The following BPIFB3 variants were observed in gnomAD, a reference collection of about 807,000 sequenced individuals.
The protein encoded by BPIFB3 is BPI fold containing family B member 3.
In BPIFB3, 49 loss-of-function variants were observed where a neutral mutation model predicts 53.1. The ratio of observed to expected loss-of-function variants is 0.92; its 90% CI spans 0.73 to 1.17. The LOEUF is 1.17. Ranked by LOEUF, BPIFB3 falls within the 50% of genes most tolerant of loss-of-function variation. The pLI is 0.00. For missense variants in BPIFB3, 628 were observed against 592.5 expected (o/e 1.06, Z -0.62); for synonymous variants, 271 against 269.6 (o/e 1.01, Z -0.05).
intron 3 of BPIFB3, 44 bp downstream of exon 4, chr20:33,059,526 A>G: frequency 1.4e-6 from 2 of 1,399,338 alleles, no homozygotes; most frequent in Non-Finnish European, 9.9e-7. Flanking sequence ...TTCCTATCCC[A>G]CCCCCTGACC....
Position 33,059,873 on chromosome 20 carries a change from C to G in BPIFB3, c.387-18C>G, listed in dbSNP as rs1306745535. ...GGAGCTGGCTGCCTGGCCACACCCC[C>G]AGTGTCCTTTCTTGCAGCCCCCTTG... On this transcript the variant is annotated intron_variant, in intron 3 of 14. Coordinates refer to ENST00000375494, the Ensembl canonical transcript of BPIFB3. 1 of 1,612,494 alleles carries G rather than the reference C, an allele frequency of 6.2e-7. No individual in the cohort carries two copies. The highest frequency in any genetic ancestry group is 1.7e-5 in the Admixed American group (1 of 59,880).
At chr20:33,071,215 G>T (rs1354801132) in intron 11 of BPIFB3, 38 bp from the exon 13 acceptor site, 4 of 1,543,670 alleles carry the variant, frequency 2.6e-6, no homozygotes, top group East Asian at 2.4e-5. Context: ...GGTGGTTGGG[G>T]GTAGCGGGGG....
rs141246740 is a variant in BPIFB3, at chr20:33,061,685, G to T, written c.528-83G>T. 3 of 1,352,268 alleles carry T rather than the reference G, an allele frequency of 2.2e-6. No homozygotes were observed. In the Admixed American group the frequency reaches 5.6e-5, roughly 25 times the overall value. The allele number at this position is 1,352,268 out of a possible 1,614,324, so 83.8% of individuals were successfully genotyped here. A position where few individuals can be genotyped will look rare whatever the true frequency, so the allele number is the denominator to read the frequency against. ...AGAGAAGGGAGAGGAGAAATCCAGA[G>T]CCCCTAGTGTCCGCCCGACCCTGTC... is the stretch of plus-strand genomic sequence containing the variant. On this transcript the variant is annotated intron_variant, in intron 4 of 14. Coordinates refer to ENST00000375494, the Ensembl canonical transcript of BPIFB3.
At chr20:33,063,868 C>G (rs1281102064) in intron 6 of BPIFB3, among the ~76,000 whole-genome samples, 193 bp downstream of exon 7, 2 of 152,206 alleles carry the variant, frequency 1.3e-5, no homozygotes, top group Non-Finnish European at 2.9e-5. Flanking sequence ...GCAGGGCATG[C>G]AGACCCAGAA....
In BPIFB3 at chr20:33,061,783, A is replaced by G. The variant is rs34032795; in HGVS notation, c.543A>G (p.Pro181=). The G allele has an allele frequency of 3.5e-3, 5,593 of 1,612,760 alleles. 178 individuals are homozygous for G. In the African/African-American group the frequency reaches 0.066, roughly 19 times the overall value. ...CTCTGCTCAGGCTGCTGCCCACACCACTCTTTGGGGTCGTGGAACAGATGC... is the reference window on the plus strand; with the variant it reads ...CTCTGCTCAGGCTGCTGCCCACACCGCTCTTTGGGGTCGTGGAACAGATGC... The change falls in exon 5 of 15, where the codon CCA becomes CCG. Residue 181 remains proline, a synonymous_variant. Coordinates refer to ENST00000375494, the Ensembl canonical transcript of BPIFB3.
At chr20:33,066,028 C>A (rs915032365) in intron 8 of BPIFB3, among the ~76,000 whole-genome samples, 1 of 152,180 alleles carries the variant, frequency 6.6e-6, no homozygotes, top group Non-Finnish European at 1.5e-5. Flanking sequence ...TGGGTGTTTG[C>A]ATATGAGCAT....
intron 8 of BPIFB3, 134 bp from the exon 10 acceptor site, chr20:33,066,690 G>A: frequency 1.3e-6 from 1 of 798,556 alleles, no homozygotes; most frequent in Non-Finnish European, 2.1e-6. Context: ...GAACAAACTT[G>A]AGTGTTTGTA....
chr20:33,071,559 C>G (rs1980895497), intron 12 of BPIFB3, among the ~76,000 whole-genome samples: 1 of 152,132 alleles, frequency 6.6e-6, no homozygotes, highest in Non-Finnish European at 1.5e-5. Context: ...TGGAACCTCA[C>G]AAAGTTGTGG....
intron 3 of BPIFB3, among the ~76,000 whole-genome samples, 200 bp from the exon 5 acceptor site, chr20:33,059,691 T>C (rs534290411): frequency 1.3e-5 from 2 of 152,194 alleles, no homozygotes; most frequent in East Asian, 3.9e-4. Flanking sequence ...CATTTCGCTC[T>C]TCCTCCAGAC....
At chr20:33,065,347 C>T (rs1259335651) in intron 8 of BPIFB3, among the ~76,000 whole-genome samples, 3 of 151,902 alleles carry the variant, frequency 2.0e-5, no homozygotes, top group Non-Finnish European at 2.9e-5. Flanking sequence ...CCCATCTCTA[C>T]AAAAAATACA....
At chr20:33,067,007 A>T (rs1980697316) in intron 9 of BPIFB3, 130 bp downstream of exon 10, 24 of 900,762 alleles carry the variant, frequency 2.7e-5, no homozygotes, top group Non-Finnish European at 4.0e-5. Context: ...ATTCACACTA[A>T]AGTGTGAATG....
chr20:33,064,442 C>T lies in BPIFB3; in HGVS notation c.653-15C>T. 1.2e-6 allele frequency: 2 copies of T among 1,611,322 alleles called. No individual in the cohort carries two copies. Among genetic ancestry groups the T allele is most frequent in the African/African-American group, 2.7e-5 (2 of 75,010 alleles). ...GGGCTTATAGGGTCGTTCTCGCCCC[C>T]ACTTTCCCACGCAGGCCTGGTGTCC... On this transcript the variant is annotated splice_polypyrimidine_tract_variant and intron_variant, in intron 6 of 14. Transcript: ENST00000375494.
At chr20:33,068,725 G>A in intron 9 of BPIFB3, 78 bp from the exon 11 acceptor site, 1 of 1,458,610 alleles carries the variant, frequency 6.9e-7, no homozygotes, top group South Asian at 1.3e-5. Context: ...TGCCTGGTAG[G>A]TGCTTAGTGA....
chr20:33,063,664 G>A lies in BPIFB3; in HGVS notation c.641G>A (p.Gly214Glu), dbSNP rs1270460136. 1.2e-6 allele frequency: 2 copies of A among 1,613,878 alleles called. No homozygotes were observed. Among genetic ancestry groups the A allele is most frequent in the East Asian group, 2.2e-5 (1 of 44,850 alleles). ...CTGGGTGTGGTGAATGAGCTCCTGGGGGCTGTGCTGGGTAAGTCAGGGCTC... is the reference window on the plus strand; with the variant it reads ...CTGGGTGTGGTGAATGAGCTCCTGGAGGCTGTGCTGGGTAAGTCAGGGCTC... Residue 214 changes from glycine (G) to glutamate (E), a missense_variant, in exon 6 of 15, where the codon GGG (glycine) becomes GAG (glutamate). Gly to Glu is a moderately conservative substitution (Grantham distance 98). Transcript: ENST00000375494.
chr20:33,058,599 TCTCC>T (rs1980313587), intron 2 of BPIFB3, among the ~76,000 whole-genome samples: 1 of 152,034 alleles, frequency 6.6e-6, no homozygotes, highest in Non-Finnish European at 1.5e-5. Flanking sequence ...CAATATTTAC[TCTCC>T]CTCCCCTGTG....
chr20:33,056,849 T>TG, intron 2 of BPIFB3, 151 bp downstream of exon 3: 1 of 995,860 alleles, frequency 1.0e-6, no homozygotes, highest in Non-Finnish European at 1.4e-6. Context: ...CTCTACTGCA[T>TG]GCCTGGCAGG....
chr20:33,059,350 G>T, intron 2 of BPIFB3, 28 bp from the exon 4 acceptor site: 1 of 1,565,334 alleles, frequency 6.4e-7, no homozygotes, highest in Non-Finnish European at 8.7e-7. Context: ...CTGGGAGTGA[G>T]CAACCCTCTC....
chr20:33,073,554 C>CA, intron 14 of BPIFB3, 22 bp from the exon 16 acceptor site: 1 of 1,613,802 alleles, frequency 6.2e-7, no homozygotes, highest in Non-Finnish European at 8.5e-7. Flanking sequence ...GGGGTGTAAC[C>CA]AAGAGCGGTT....
intron 8 of BPIFB3, among the ~76,000 whole-genome samples, chr20:33,065,528 G>GA (rs1980633256): frequency 6.7e-6 from 1 of 148,680 alleles, no homozygotes; most frequent in Admixed American, 6.8e-5. Context: ...GAGAAAGAAG[G>GA]AAGGAAGGAA....
Sources: allele counts gnomAD v4.1 joint callset (sites outside exome capture counted in the v4.1 genomes callset), GRCh38; gene constraint gnomAD v4.1.1; transcripts MANE v1.5; gene names NCBI Gene and HGNC (gene_info 2026-07-23, HGNC 2026-07-21).